The following PCNT variants were observed in gnomAD, a reference collection of about 807,000 sequenced individuals.
PCNT encodes kendrin.
In PCNT, 319 loss-of-function variants were observed where a neutral mutation model predicts 380.4. That is an observed-to-expected ratio of 0.84 (90% confidence interval 0.77 to 0.92). The LOEUF (loss-of-function observed/expected upper bound fraction) is 0.92, where lower values mean the gene tolerates loss of function less well. Ranked by LOEUF, PCNT falls within the 40% of genes least tolerant of loss-of-function variation. The pLI, the probability that PCNT is intolerant of heterozygous loss-of-function variation, is 0.00. For synonymous variants in PCNT, 1,845 were observed against 1,735.2 expected, an observed-to-expected ratio of 1.06 and a Z score of -1.57; for missense variants, 4,400 against 4,255.3, an observed-to-expected ratio of 1.03 and a Z score of -0.95.
chr21:46,394,143 C>T (rs184811565), intron 21 of PCNT, among the ~76,000 whole-genome samples: 1 of 152,370 alleles, frequency 6.6e-6, no homozygotes, highest in African/African-American at 2.4e-5. Flanking sequence ...GCGCCAGCTA[C>T]CGGCCCTGAC....
chr21:46,412,674 T>C (rs1239526371), intron 28 of PCNT, among the ~76,000 whole-genome samples, 163 bp from the exon 29 acceptor site: 1 of 152,192 alleles, frequency 6.6e-6, no homozygotes, highest in Non-Finnish European at 1.5e-5. Context: ...CCCGTTCCCA[T>C]GTGGCCTGCT....
intron 15 of PCNT, among the ~76,000 whole-genome samples, chr21:46,379,242 C>G (rs902957974): frequency 1.4e-5 from 2 of 138,078 alleles, no homozygotes; most frequent in East Asian, 3.9e-4. Context: ...GGCTGCGTGT[C>G]GTGAGCTGCG....
At chr21:46,346,085 T>G in intron 3 of PCNT, 43 bp from the exon 4 acceptor site, 5 of 1,573,834 alleles carry the variant, frequency 3.2e-6, no homozygotes, top group Non-Finnish European at 4.4e-6. Flanking sequence ...CTGTGGCTTC[T>G]CATGTGAATT....
intron 37 of PCNT, chr21:46,431,078 A>G: frequency 1.0e-6 from 1 of 985,432 alleles, no homozygotes; most frequent in Non-Finnish European, 1.2e-6. Flanking sequence ...TCCATGGGTT[A>G]TGGCTTTCAA....
chr21:46,413,241 A>AG (rs1308088972), intron 29 of PCNT, among the ~76,000 whole-genome samples: 1 of 120,044 alleles, frequency 8.3e-6, no homozygotes, highest in Non-Finnish European at 1.7e-5. Context: ...AGGTGTGGGG[A>AG]GGGGGAAGGC....
chr21:46,381,942 G>C (rs1319859080), intron 16 of PCNT, 102 bp downstream of exon 16: 1 of 1,263,200 alleles, frequency 7.9e-7, no homozygotes, highest in African/African-American at 1.5e-5. Flanking sequence ...TGCACTCATG[G>C]TGTTGTGCAT....
rs1047275070 is a variant in PCNT, at chr21:46,389,527, C to T, written c.3840+96C>T. 1.2e-5 allele frequency: 11 copies of T among 952,928 alleles called. No individual in the cohort carries two copies. In the East Asian group the frequency reaches 1.3e-4, roughly 11 times the overall value. The allele number at this position is 952,928 out of a possible 1,614,324, so 59.0% of individuals were successfully genotyped here. ...GGTGGATGCCGGTGCCAACGACGCT[C>T]GCACGGGTTTCTCCCCAAGGAGGAG... On this transcript the variant is annotated intron_variant, in intron 19 of 46. Transcript: ENST00000359568.
intron 4 of PCNT, 118 bp downstream of exon 4, chr21:46,346,326 G>C (rs2084066241): frequency 1.2e-5 from 10 of 840,500 alleles, no homozygotes; most frequent in Non-Finnish European, 1.7e-5. Flanking sequence ...TGAGTTGTCT[G>C]TTTCCACGTT....
chr21:46,371,530 G>A (rs1038736389), intron 15 of PCNT, among the ~76,000 whole-genome samples: 1 of 152,162 alleles, frequency 6.6e-6, no homozygotes, highest in Non-Finnish European at 1.5e-5. Flanking sequence ...AATCTTGTGT[G>A]TCAGAATATG....
At position 46,355,750 on chromosome 21, in the gene PCNT, C is replaced by A. The variant is rs2084451642; in HGVS notation, c.1936+124C>A. On this transcript the variant is annotated intron_variant, in intron 12 of 46. Transcript: ENST00000359568. ...AAGCAGCTGAGTGCTCCGACCTCTT[C>A]TTCTGGGGCTGACACCTCAACAGAG... 3 of 930,790 alleles carry A rather than the reference C, an allele frequency of 3.2e-6. 1 individual carries two copies. Among genetic ancestry groups the A allele is most frequent in the Non-Finnish European group, 5.1e-6 (3 of 592,966 alleles). The allele number at this position is 930,790 out of a possible 1,614,324, so 57.7% of individuals were successfully genotyped here.
intron 29 of PCNT, among the ~76,000 whole-genome samples, chr21:46,414,311 G>T (rs1446749652): frequency 1.3e-5 from 2 of 151,768 alleles, no homozygotes; most frequent in African/African-American, 2.4e-5. Flanking sequence ...ACCTTTTGAT[G>T]CACTGTCTGC....
At chr21:46,422,602 T>A (rs948708835) in intron 32 of PCNT, among the ~76,000 whole-genome samples, 4 of 152,248 alleles carry the variant, frequency 2.6e-5, no homozygotes, top group African/African-American at 9.6e-5. Flanking sequence ...CCTCTCCCAG[T>A]TTAGCAGATC....
At chr21:46,443,615 A>G (rs1267685066) in intron 44 of PCNT, among the ~76,000 whole-genome samples, 195 bp from the exon 45 acceptor site, 2 of 152,206 alleles carry the variant, frequency 1.3e-5, no homozygotes, top group South Asian at 4.1e-4. Flanking sequence ...ACCCCTGCAG[A>G]TGCAGATAGT....
Position 46,385,978 on chromosome 21 carries a change from C to T in PCNT, c.3459C>T (p.Ser1153=), listed in dbSNP as rs149063008. 74 of 1,613,986 alleles carry T rather than the reference C, an allele frequency of 4.6e-5. No individual in the cohort carries two copies. Among genetic ancestry groups the T allele is most frequent in the Middle Eastern group, 1.6e-4 (1 of 6,082 alleles). ...MLKADVNLSH[S]ERGALQDALR... ...AGGCCGACGTCAACCTGTCCCACAGCGAAAGGTCAGTGTGTCCTCGGCACC... is the reference window on the plus strand; with the variant it reads ...AGGCCGACGTCAACCTGTCCCACAGTGAAAGGTCAGTGTGTCCTCGGCACC... The change falls in exon 17 of 47, where the codon AGC becomes AGT. Residue 1153 remains serine, a synonymous_variant. Transcript: ENST00000359568.
chr21:46,385,801 T>C lies in PCNT; in HGVS notation c.3313-31T>C, dbSNP rs182388649. The stretch of plus-strand genomic sequence containing the variant: ...CCATTTGCTTTTAACCAAATTGTTT[T>C]AACGAAAGCTTTAACCATTTTTCTC... On this transcript the variant is annotated intron_variant, in intron 16 of 46. Transcript: ENST00000359568. 138 of 1,613,414 alleles carry C rather than the reference T, an allele frequency of 8.6e-5. No individual in the cohort carries two copies. The African/African-American group carries it at 1.7e-3, about 20-fold the overall frequency.
intron 14 of PCNT, among the ~76,000 whole-genome samples, chr21:46,366,046 C>T (rs2084918253): frequency 6.6e-6 from 1 of 150,912 alleles, no homozygotes; most frequent in African/African-American, 2.4e-5. Flanking sequence ...CCTTGGGGTT[C>T]TATTCACTCA....
chr21:46,360,031 A>AT (rs1349954235), intron 13 of PCNT, among the ~76,000 whole-genome samples: 35 of 149,982 alleles, frequency 2.3e-4, no homozygotes, highest in Admixed American at 8.7e-4. Flanking sequence ...TAATTTTTGT[A>AT]TTTTTTGTAG....
chr21:46,421,930 G>C, intron 31 of PCNT, 40 bp from the exon 32 acceptor site: 4 of 1,610,224 alleles, frequency 2.5e-6, no homozygotes, highest in Non-Finnish European at 3.4e-6. Flanking sequence ...GAACCCCCTG[G>C]AGAGCTGTGG....
chr21:46,425,382 C>T lies in PCNT; in HGVS notation c.7180-449C>T, dbSNP rs1368872644. The stretch of plus-strand genomic sequence containing the variant: ...GTCGGCACTGGCCTCAGCCGGACCA[C>T]GCACAGAGGCCTCCTGGGTGGCCAT... On this transcript the variant is annotated intron_variant, in intron 32 of 46. Transcript: ENST00000359568. This position sits in a 1 kb window ranked among gnomAD's most constrained non-coding sequence, Gnocchi z 4.2. Among the ~76,000 whole-genome samples, 5 of 152,260 alleles carry T rather than the reference C, an allele frequency of 3.3e-5. No individual in the cohort carries two copies. The highest frequency in any genetic ancestry group is 4.1e-4 in the South Asian group (2 of 4,836).
Sources: gnomAD v4.1 joint callset for allele counts (sites outside exome capture counted in the v4.1 genomes callset) on GRCh38, gnomAD v4.1.1 for gene constraint, Gnocchi (gnomAD v3.1) non-coding constraint, MANE v1.5 for transcripts, NCBI Gene and HGNC (gene_info 2026-07-23, HGNC 2026-07-21) for gene names.